The following TDP1 variants were observed in gnomAD, a reference collection of about 807,000 sequenced individuals.
TDP1 encodes tyrosyl-DNA phosphodiesterase 1, also known as tyr-DNA phosphodiesterase 1.
In TDP1, 64 loss-of-function variants were observed where a neutral mutation model predicts 81.5. The ratio of observed to expected loss-of-function variants is 0.79; its 90% confidence interval spans 0.64 to 0.97. The LOEUF is 0.97. TDP1 is among the 50% of genes least tolerant of loss of function. The pLI, the probability that TDP1 is intolerant of heterozygous loss-of-function variation, is 0.00. For missense variants in TDP1, 723 were observed against 743.8 expected (o/e 0.97, Z 0.33); for synonymous variants, 256 against 264.3 (o/e 0.97, Z 0.30).
chr14:89,977,414 C>T (rs1329002779), intron 7 of TDP1, among the ~76,000 whole-genome samples: 1 of 152,082 alleles, frequency 6.6e-6, no homozygotes, highest in Non-Finnish European at 1.5e-5. Flanking sequence ...TCTCTTGCCT[C>T]AGCCTCCTGA....
In TDP1 at chr14:89,976,197, C is replaced by T. The variant is rs1041465671; in HGVS notation, c.791+382C>T. Among the ~76,000 whole-genome samples the T allele has an allele frequency of 3.3e-5, 5 of 151,738 alleles. No individual in the cohort carries two copies. The South Asian group carries it at 1.0e-3, about 32-fold the overall frequency. On this transcript the variant is annotated intron_variant, in intron 7 of 16. Transcript: ENST00000335725. Reference sequence around the variant, plus strand: ...CACAGCTCACTGCAGCCTCCAACTCCTGGGCTTAAGCAATCCTCCCACCTC... The same window carrying T: ...CACAGCTCACTGCAGCCTCCAACTCTTGGGCTTAAGCAATCCTCCCACCTC...
In TDP1 at chr14:89,961,740, A is replaced by T. The variant is rs186206520; in HGVS notation, c.-7-1368A>T. ...CTCATCTAGAGACATATGCATATGT[A>T]TTGATTTGCAAATCTTTTGATGTAG... is the stretch of plus-strand genomic sequence containing the variant. On this transcript the variant is annotated intron_variant, in intron 2 of 16. Transcript: ENST00000335725. 6.6e-5 allele frequency among the ~76,000 whole-genome samples: 10 copies of T among 152,304 alleles called. No individual in the cohort carries two copies. The East Asian group carries it at 1.9e-3, about 29-fold the overall frequency.
At position 90,033,161 on chromosome 14, in the gene TDP1, T is replaced by G; in HGVS notation, c.1700T>G (p.Met567Arg). 6.2e-7 allele frequency: 1 copy of G among 1,613,450 alleles called. No individual in the cohort carries two copies. The highest frequency in any genetic ancestry group is 8.5e-7 in the Non-Finnish European group (1 of 1,179,534). The change falls in exon 16 of 17, where the codon ATG becomes AGG. Residue 567 changes from methionine (M) to arginine (R), a missense_variant. Coordinates refer to ENST00000335725, the MANE Select transcript of TDP1 (RefSeq NM_018319.4). ...TTCTTCGCTGGCAGCCAGGAGCCAA[T>G]GGCCACCTTTCCTGTGCCATATGAT... ...QKFFAGSQEPMATFPVPYDLP... is the reference protein window; with the variant it reads ...QKFFAGSQEPRATFPVPYDLP...
intron 15 of TDP1, chr14:90,023,093 G>A: frequency 1.3e-6 from 1 of 761,642 alleles, no homozygotes; most frequent in Non-Finnish European, 2.4e-6. Context: ...GCATGGATAA[G>A]CTGAGGAAAC....
chr14:89,961,719 TC>T (rs879919678), intron 2 of TDP1, among the ~76,000 whole-genome samples: 6 of 152,196 alleles, frequency 3.9e-5, no homozygotes, highest in Admixed American at 3.9e-4. Flanking sequence ...TTAGTTCTCA[TC>T]TAGAGACATA....
At chr14:90,032,948 G>T in intron 15 of TDP1, 158 bp from the exon 16 acceptor site, 1 of 777,894 alleles carries the variant, frequency 1.3e-6, no homozygotes, top group East Asian at 1.3e-4. Context: ...CGGGGGGGTT[G>T]TAAATATATT....
intron 14 of TDP1, among the ~76,000 whole-genome samples, chr14:90,015,078 A>T (rs1400578814): frequency 1.3e-5 from 2 of 152,016 alleles, no homozygotes; most frequent in Non-Finnish European, 2.9e-5. Context: ...ATCATTGTAG[A>T]CTCTAGCCTG....
intron 14 of TDP1, among the ~76,000 whole-genome samples, chr14:89,996,901 A>G (rs1362970432): frequency 6.6e-6 from 1 of 152,216 alleles, no homozygotes; most frequent in East Asian, 1.9e-4. Context: ...TCAATGAGGA[A>G]TAAGGCGGCA....
intron 8 of TDP1, among the ~76,000 whole-genome samples, chr14:89,982,212 T>G (rs1895055583): frequency 6.6e-6 from 1 of 152,130 alleles, no homozygotes; most frequent in South Asian, 2.1e-4. Context: ...CATGTTATAA[T>G]TTTTCAGTAT....
At chr14:89,984,908 T>C (rs1399252726) in intron 9 of TDP1, 1 of 985,224 alleles carries the variant, frequency 1.0e-6, no homozygotes, top group African/African-American at 1.7e-5. Flanking sequence ...TCCCACTGGG[T>C]TACTCTCACA....
At chr14:90,042,926 G>A (rs1318831647) in intron 16 of TDP1, 144 bp from the exon 17 acceptor site, 1 of 1,538,192 alleles carries the variant, frequency 6.5e-7, no homozygotes, top group Non-Finnish European at 8.7e-7. Context: ...GTTGTCTGAA[G>A]GGGGAGAATC....
At chr14:89,981,396 G>A (rs1894956113) in intron 8 of TDP1, 1 of 441,082 alleles carries the variant, frequency 2.3e-6, no homozygotes, top group Non-Finnish European at 4.5e-6. Flanking sequence ...GGGAGCTTTA[G>A]GGATTTGCTC....
intron 2 of TDP1, among the ~76,000 whole-genome samples, chr14:89,957,411 A>C (rs565667470): frequency 1.3e-5 from 2 of 152,326 alleles, no homozygotes; most frequent in East Asian, 3.9e-4. Context: ...CAGACTAAAA[A>C]ACTGAGGCTC....
rs147837596 is a variant in TDP1 at position 89,993,478 on chromosome 14, C to T, written c.1536C>T (p.Val512=). ...TCAGTAAAATTGCTTGGTTCCTTGTCACAAGGTAAATAGTCCTTACATTCC... is the reference window on the plus strand; with the variant it reads ...TCAGTAAAATTGCTTGGTTCCTTGTTACAAGGTAAATAGTCCTTACATTCC... ...PDFSKIAWFL[V]TSANLSKAAW... Residue 512 remains valine, a synonymous_variant, in exon 14 of 17, where the codon GTC becomes GTT. Coordinates refer to ENST00000335725, the MANE Select transcript of TDP1 (RefSeq NM_018319.4). The T allele has an allele frequency of 3.9e-4, 636 of 1,612,694 alleles. 4 individuals are homozygous for T. In the African/African-American group the frequency reaches 7.3e-3, roughly 18 times the overall value.
chr14:90,029,548 G>C (rs923526058), intron 15 of TDP1, among the ~76,000 whole-genome samples: 5 of 146,948 alleles, frequency 3.4e-5, no homozygotes, highest in African/African-American at 1.3e-4. Context: ...ACCTAGGCTG[G>C]AGTACAGTGG....
At chr14:90,021,729 G>A (rs1460739595) in intron 15 of TDP1, among the ~76,000 whole-genome samples, 1 of 152,208 alleles carries the variant, frequency 6.6e-6, no homozygotes, top group Non-Finnish European at 1.5e-5. Flanking sequence ...AATAGAGATT[G>A]CATTATTTAT....
intron 10 of TDP1, among the ~76,000 whole-genome samples, chr14:89,985,681 A>G (rs1274103816): frequency 6.6e-6 from 1 of 152,236 alleles, no homozygotes; most frequent in Non-Finnish European, 1.5e-5. Context: ...AGGTCATAAA[A>G]TAAGTTGAAG....
Position 90,043,396 on chromosome 14 carries a change from A to G in TDP1, c.*253A>G. The G allele has an allele frequency of 1.8e-6, 1 of 567,300 alleles. No individual in the cohort carries two copies. The highest frequency in any genetic ancestry group is 3.0e-5 in the East Asian group (1 of 33,320). 35.1% of individuals were successfully genotyped at this position (567,300 alleles called of 1,614,324 possible). A position where few individuals can be genotyped will look rare whatever the true frequency, so the allele number is the denominator to read the frequency against. On this transcript the variant is annotated 3_prime_UTR_variant, in exon 17 of 17. Transcript: ENST00000335725. ...TAGTGAACTTCTCTATGTTAAAAATACGTACTGCTTGAGTATCCCCTGTCT... is the reference window on the plus strand; with the variant it reads ...TAGTGAACTTCTCTATGTTAAAAATGCGTACTGCTTGAGTATCCCCTGTCT...
At chr14:89,979,718 C>A (rs1478625507) in intron 7 of TDP1, among the ~76,000 whole-genome samples, 1 of 152,162 alleles carries the variant, frequency 6.6e-6, no homozygotes, top group African/African-American at 2.4e-5. Flanking sequence ...TACCTAGGGT[C>A]AAAGGGCTTC....
Sources: allele counts gnomAD v4.1 joint callset (sites outside exome capture counted in the v4.1 genomes callset), GRCh38; gene constraint gnomAD v4.1.1; transcripts MANE v1.5; gene names NCBI Gene and HGNC (gene_info 2026-07-23, HGNC 2026-07-21).